The following GALNT13 variants were observed in gnomAD, a reference collection of about 807,000 sequenced individuals.
GALNT13 encodes UDP-GalNAc:polypeptide N-acetylgalactosaminyltransferase 13.
Under a neutral mutation model 64.2 loss-of-function variants are expected in GALNT13, and 28 were observed. The observed-to-expected ratio is 0.44, with a 90% confidence interval of 0.32 to 0.60. The LOEUF is 0.60. Ranked by LOEUF, GALNT13 falls within the 20% of genes least tolerant of loss-of-function variation. GALNT13 has a pLI of 0.05. For synonymous variants in GALNT13, 214 were observed against 224.6 expected (o/e 0.95, Z 0.42); for missense variants, 577 against 669.8 (o/e 0.86, Z 1.53).
chr2:153,390,270 G>A, the GALNT13 span, among the ~76,000 whole-genome samples: 3 of 151,908 alleles, frequency 2.0e-5, no homozygotes, highest in Non-Finnish European at 4.4e-5. Flanking sequence ...ATGAGAACAC[G>A]TGGACACAGG....
intron 1 of GALNT13, among the ~76,000 whole-genome samples, chr2:153,874,329 T>G (rs1250239411): frequency 6.6e-6 from 1 of 151,952 alleles, no homozygotes; most frequent in Non-Finnish European, 1.5e-5. Context: ...AGAATTTTCC[T>G]GGCTGCTTCT....
intron 9 of GALNT13, among the ~76,000 whole-genome samples, chr2:154,317,407 G>A (rs897898691): frequency 6.6e-6 from 1 of 152,076 alleles, no homozygotes; most frequent in Non-Finnish European, 1.5e-5. Context: ...GTAATATCTA[G>A]AAATATTCAA....
At chr2:154,129,328 T>C (rs1012255691) in intron 3 of GALNT13, among the ~76,000 whole-genome samples, 4 of 152,212 alleles carry the variant, frequency 2.6e-5, no homozygotes, top group Admixed American at 6.5e-5. Flanking sequence ...TTTATCCCTA[T>C]TTTGGCCCTC....
the GALNT13 span, among the ~76,000 whole-genome samples, chr2:153,366,868 A>T: frequency 6.6e-6 from 1 of 152,086 alleles, no homozygotes; most frequent in African/African-American, 2.4e-5. Flanking sequence ...AGGAACGAAG[A>T]TAAGAATTAT....
At chr2:153,136,330 C>A in the GALNT13 span, among the ~76,000 whole-genome samples, 12 of 152,062 alleles carry the variant, frequency 7.9e-5, no homozygotes, top group Admixed American at 5.2e-4. Context: ...AAAATACCAA[C>A]AGAGTATCCT....
chr2:153,818,260 T>G, the GALNT13 span, among the ~76,000 whole-genome samples: 1 of 152,146 alleles, frequency 6.6e-6, no homozygotes, highest in African/African-American at 2.4e-5. Flanking sequence ...GGAGTCTTTG[T>G]AGAGTCGCTG....
chr2:154,341,020 A>G (rs1278030212), intron 9 of GALNT13, among the ~76,000 whole-genome samples: 5 of 152,090 alleles, frequency 3.3e-5, no homozygotes, highest in Non-Finnish European at 5.9e-5. Flanking sequence ...TTTTATTCAT[A>G]AAGATAAAAT....
the GALNT13 span, among the ~76,000 whole-genome samples, chr2:153,077,430 G>T: frequency 6.6e-6 from 1 of 152,056 alleles, no homozygotes; most frequent in African/African-American, 2.4e-5. Context: ...GAGATCTAGT[G>T]CTCTGATAAC....
the GALNT13 span, among the ~76,000 whole-genome samples, chr2:153,751,756 A>G: frequency 6.6e-6 from 1 of 151,736 alleles, no homozygotes; most frequent in African/African-American, 2.4e-5. Flanking sequence ...CAATAGATCA[A>G]TGGGTCTTGT....
chr2:153,251,002 CCTGCACATT>C, the GALNT13 span, among the ~76,000 whole-genome samples: 1 of 152,088 alleles, frequency 6.6e-6, no homozygotes, highest in African/African-American at 2.4e-5. Context: ...CTGTAACAAA[CCTGCACATT>C]CTGCACATGT....
At chr2:153,895,287 A>G (rs1687814125) in intron 1 of GALNT13, among the ~76,000 whole-genome samples, 1 of 152,098 alleles carries the variant, frequency 6.6e-6, no homozygotes, top group Non-Finnish European at 1.5e-5. Context: ...TCCTGCCTTA[A>G]TTACATCCCT....
At chr2:154,029,040 A>T (rs763994826) in intron 3 of GALNT13, among the ~76,000 whole-genome samples, 22 of 152,012 alleles carry the variant, frequency 1.4e-4, no homozygotes, top group Non-Finnish European at 2.9e-4. Flanking sequence ...CGAATTGGTA[A>T]AGCCAGTTGT....
At chr2:153,808,485 C>T in the GALNT13 span, among the ~76,000 whole-genome samples, 1 of 152,124 alleles carries the variant, frequency 6.6e-6, no homozygotes, top group Admixed American at 6.5e-5. Flanking sequence ...GTCATCTAAT[C>T]TCCAGGGTTC....
the GALNT13 span, among the ~76,000 whole-genome samples, chr2:153,850,889 A>G: frequency 6.6e-6 from 1 of 152,182 alleles, no homozygotes; most frequent in Admixed American, 6.5e-5. Context: ...AAGCATTAGG[A>G]TATGTGAGAC....
At chr2:153,302,314 A>T in the GALNT13 span, among the ~76,000 whole-genome samples, 1 of 151,774 alleles carries the variant, frequency 6.6e-6, no homozygotes, top group South Asian at 2.1e-4. Context: ...TATATTGAGC[A>T]TTTTTTTTAC....
rs544483089 is a variant in GALNT13, at chr2:154,451,475, A to G, written c.*924A>G. 4 of 152,190 alleles carry G rather than the reference A, an allele frequency of 2.6e-5. No homozygotes were observed. Among genetic ancestry groups the G allele is most frequent in the African/African-American group, 4.8e-5 (2 of 41,536 alleles). 9.4% of individuals were successfully genotyped at this position (152,190 alleles called of 1,614,324 possible). A position where few individuals can be genotyped will look rare whatever the true frequency, so the allele number is the denominator to read the frequency against. The stretch of plus-strand genomic sequence containing the variant: ...AATTTTAGACTTAATTTTTAACTCT[A>G]TTGCACTTAAAGATTTTAGTTAGGT... On this transcript the variant is annotated 3_prime_UTR_variant, in exon 13 of 13. Coordinates refer to ENST00000392825, the MANE Select transcript of GALNT13 (RefSeq NM_052917.4).
At chr2:153,384,650 G>C in the GALNT13 span, among the ~76,000 whole-genome samples, 1 of 151,952 alleles carries the variant, frequency 6.6e-6, no homozygotes, top group Non-Finnish European at 1.5e-5. Context: ...TCAGAAGCAA[G>C]TCTTTCAAAA....
chr2:153,900,656 G>A (rs55840145), intron 1 of GALNT13, among the ~76,000 whole-genome samples: 27,458 of 151,958 alleles, frequency 0.18, 4,564 homozygotes, highest in East Asian at 0.74. Context: ...ATTCTGGGGG[G>A]CACTGTGTTT....
At chr2:154,073,896 TC>T (rs1382365734) in intron 3 of GALNT13, among the ~76,000 whole-genome samples, 6 of 151,974 alleles carry the variant, frequency 3.9e-5, no homozygotes, top group African/African-American at 1.4e-4. Context: ...CAAATTGAAT[TC>T]AAAGGCAGAT....
Sources: allele counts gnomAD v4.1 joint callset (sites outside exome capture counted in the v4.1 genomes callset), GRCh38; gene constraint gnomAD v4.1.1; transcripts MANE v1.5; gene names NCBI Gene and HGNC (gene_info 2026-07-23, HGNC 2026-07-21).